Variants in BANP observed in about 807,000 individuals in gnomAD.
BANP encodes protein BANP.
In BANP, 11 loss-of-function variants were observed where a neutral mutation model predicts 68.1. The observed-to-expected ratio is 0.16, with a 90% CI of 0.10 to 0.27. The LOEUF (loss-of-function observed/expected upper bound fraction) is 0.27. BANP is among the 10% of genes least tolerant of loss of function. The probability of loss-of-function intolerance (pLI) is 1.00; values close to 1 mark genes in which losing one functional copy is unlikely to be tolerated. For synonymous variants in BANP, 329 were observed against 303.2 expected (o/e 1.09, Z -0.88); for missense variants, 504 against 722.7 (o/e 0.70, Z 3.47).
intron 11 of BANP, among the ~76,000 whole-genome samples, chr16:88,051,625 G>T (rs1182506471): frequency 6.6e-6 from 1 of 152,218 alleles, no homozygotes; most frequent in Admixed American, 6.5e-5. Context: ...GTTGCAGGTT[G>T]TGGGGCTGGT....
rs996478902 is a variant in BANP at position 88,039,879 on chromosome 16, C to T, written c.1311+1868C>T. 3.7e-4 allele frequency among the ~76,000 whole-genome samples: 56 copies of T among 152,184 alleles called. 2 individuals carry two copies. Among genetic ancestry groups the T allele is most frequent in the African/African-American group, 4.8e-5 (2 of 41,444 alleles). On this transcript the variant is annotated intron_variant, in intron 11 of 13. Transcript: ENST00000682872. ...CAGGGTCGCAACTGCTGCTCATTCC[C>T]GGGTCTTCCGTGGCCCCTCTGAGTC...
At chr16:88,045,730 T>G (rs950549172) in intron 11 of BANP, among the ~76,000 whole-genome samples, 14 of 141,976 alleles carry the variant, frequency 9.9e-5, no homozygotes, top group African/African-American at 3.5e-4. Flanking sequence ...AATACTCTTC[T>G]TGGCCACAGA....
chr16:88,055,386 C>T (rs1011302879), intron 11 of BANP, among the ~76,000 whole-genome samples: 1 of 152,120 alleles, frequency 6.6e-6, no homozygotes, highest in African/African-American at 2.4e-5. Flanking sequence ...AGGGCGTTCC[C>T]ACTGTGCACC....
chr16:88,042,189 G>C (rs1260392703), intron 11 of BANP, among the ~76,000 whole-genome samples: 6 of 152,256 alleles, frequency 3.9e-5, no homozygotes, highest in Non-Finnish European at 7.3e-5. Context: ...AGTGTTGGGG[G>C]GTAGCAGTAG....
chr16:87,998,239 A>G (rs1338239182), intron 4 of BANP, among the ~76,000 whole-genome samples: 2 of 152,198 alleles, frequency 1.3e-5, no homozygotes, highest in Non-Finnish European at 2.9e-5. Context: ...ACGGAAAACT[A>G]AAGCATAGTA....
chr16:88,016,300 T>C (rs1162633270), intron 6 of BANP, among the ~76,000 whole-genome samples: 1 of 152,244 alleles, frequency 6.6e-6, no homozygotes, highest in East Asian at 1.9e-4. Context: ...CCTCGGCCAC[T>C]GTCCTCCCAC....
At chr16:88,053,090 C>T (rs922265844) in intron 11 of BANP, among the ~76,000 whole-genome samples, 17 of 152,098 alleles carry the variant, frequency 1.1e-4, no homozygotes, top group African/African-American at 2.9e-4. Flanking sequence ...AACCCAACCA[C>T]CCTAACAACC....
chr16:88,038,179 G>C (rs575753866), intron 11 of BANP, among the ~76,000 whole-genome samples, 168 bp downstream of exon 11: 1 of 152,046 alleles, frequency 6.6e-6, no homozygotes, highest in South Asian at 2.1e-4. Context: ...GGTCATTGTG[G>C]GCATTGCGCT....
At chr16:88,070,478 A>G (rs1401414198) in intron 12 of BANP, among the ~76,000 whole-genome samples, 1 of 152,150 alleles carries the variant, frequency 6.6e-6, no homozygotes, top group Non-Finnish European at 1.5e-5. Context: ...CAGAAGGTCG[A>G]CCGCTCCTTA....
chr16:87,961,586 G>T (rs1332660399), intron 1 of BANP, among the ~76,000 whole-genome samples: 1 of 152,222 alleles, frequency 6.6e-6, no homozygotes, highest in Admixed American at 6.5e-5. Flanking sequence ...TTGTAAAAAT[G>T]TAAAACAATA....
chr16:87,957,911 C>G lies in BANP; in HGVS notation c.-69+6396C>G, dbSNP rs2058412145. ...GCTACGTGTCCTCAAGTGAGCTCAG[C>G]TCTTGTGTCGGTGGGAGCTGGCGGT... On this transcript the variant is annotated intron_variant, in intron 1 of 13. Coordinates refer to ENST00000682872, the MANE Select transcript of BANP (RefSeq NM_001386991.1). This position sits in a 1 kb window ranked among gnomAD's most constrained non-coding sequence, Gnocchi z 4.3. Among the ~76,000 whole-genome samples, 1 of 152,118 alleles carries G rather than the reference C, an allele frequency of 6.6e-6. No individual in the cohort carries two copies. The highest frequency in any genetic ancestry group is 1.5e-5 in the Non-Finnish European group (1 of 68,022).
At chr16:87,953,270 G>T (rs2057350459) in intron 1 of BANP, among the ~76,000 whole-genome samples, 1 of 152,106 alleles carries the variant, frequency 6.6e-6, no homozygotes, top group East Asian at 1.9e-4. Flanking sequence ...GACTTACAAT[G>T]AAAAGCAATG....
chr16:88,006,928 G>C (rs1208233088), intron 6 of BANP, among the ~76,000 whole-genome samples: 1 of 143,824 alleles, frequency 7.0e-6, no homozygotes, highest in African/African-American at 2.6e-5. Context: ...CTCTAGCCTG[G>C]GCGTCAGAGA....
intron 1 of BANP, among the ~76,000 whole-genome samples, chr16:87,971,635 T>G (rs2061150298): frequency 6.6e-6 from 1 of 151,942 alleles, no homozygotes; most frequent in African/African-American, 2.4e-5. Flanking sequence ...TGTCTTGGTG[T>G]TGTATCTTGG....
chr16:88,009,900 T>G (rs7405031), intron 6 of BANP, among the ~76,000 whole-genome samples: 139,954 of 150,534 alleles, frequency 0.93, 65,839 homozygotes, highest in East Asian at 1. Context: ...AGAGGGACTG[T>G]AGCTCCTGAC....
At chr16:87,988,773 G>A (rs915333910) in intron 4 of BANP, among the ~76,000 whole-genome samples, 2 of 152,170 alleles carry the variant, frequency 1.3e-5, no homozygotes, top group Non-Finnish European at 2.9e-5. Context: ...GAGAGAGTGC[G>A]AGAAGCTGCC....
chr16:88,015,100 CGT>C (rs2074198250), intron 6 of BANP, among the ~76,000 whole-genome samples: 1 of 124,506 alleles, frequency 8.0e-6, no homozygotes, highest in Non-Finnish European at 1.6e-5. Flanking sequence ...CCCCTCTGCC[CGT>C]CCCTCTGCCT....
rs1342057786 is a variant in BANP, at chr16:88,004,423, G to T, written c.479+12G>T. 1 of 1,404,794 alleles carries T rather than the reference G, an allele frequency of 7.1e-7. No individual in the cohort carries two copies. 87.0% of individuals were successfully genotyped at this position (1,404,794 alleles called of 1,614,324 possible). On this transcript the variant is annotated intron_variant, in intron 5 of 13. Coordinates refer to ENST00000682872, the MANE Select transcript of BANP (RefSeq NM_001386991.1). This position sits in a 1 kb window ranked among gnomAD's most constrained non-coding sequence, Gnocchi z 7.0. ...AATGTCATTAGCAAGTCAGTAGCAC[G>T]GCACCAACCCCACCTTTCCCTGCCA...
At chr16:87,973,753 CAAAAAAAA>C (rs58334556) in intron 1 of BANP, among the ~76,000 whole-genome samples, 60 of 99,474 alleles carry the variant, frequency 6.0e-4, no homozygotes, top group East Asian at 1.2e-3. Context: ...AACTCCATCA[CAAAAAAAA>C]AAAAAAAAAA....
Sources: gnomAD v4.1 joint callset for allele counts (sites outside exome capture counted in the v4.1 genomes callset) on GRCh38, gnomAD v4.1.1 for gene constraint, Gnocchi (gnomAD v3.1) non-coding constraint, MANE v1.5 for transcripts, NCBI Gene and HGNC (gene_info 2026-07-23, HGNC 2026-07-21) for gene names.